Variants in SS18 observed in about 807,000 individuals in gnomAD.
The protein encoded by SS18 is protein SSXT.
Under a neutral mutation model 72.5 loss-of-function variants are expected in SS18, and 28 were observed. That is an observed-to-expected ratio of 0.39 (90% CI 0.29 to 0.53). The LOEUF (loss-of-function observed/expected upper bound fraction) is 0.53, where lower values mean the gene tolerates loss of function less well. Among genes scored for constraint, SS18 ranks in the 20% least tolerant of loss-of-function variants. The pLI is 0.76. For missense variants in SS18, 518 were observed against 535.3 expected, an observed-to-expected ratio of 0.97 and a Z score of 0.32; for synonymous variants, 172 against 164.2, an observed-to-expected ratio of 1.05 and a Z score of -0.37.
At chr18:26,042,744 T>C (rs2053752521) in intron 5 of SS18, among the ~76,000 whole-genome samples, 1 of 151,984 alleles carries the variant, frequency 6.6e-6, no homozygotes, top group African/African-American at 2.4e-5. Context: ...AATATAGAGA[T>C]GTGATGAGCA....
intron 1 of SS18, 47 bp from the exon 2 acceptor site, chr18:26,087,624 TA>T (rs780916511): frequency 2.0e-5 from 23 of 1,139,236 alleles, no homozygotes; most frequent in Non-Finnish European, 2.8e-5. Flanking sequence ...GTGCATCAAG[TA>T]AAATAAAAAA....
At position 26,039,331 on chromosome 18, in the gene SS18, T is replaced by A; in HGVS notation, c.733A>T (p.Met245Leu). The change falls in exon 6 of 11, where the codon ATG (methionine) becomes TTG (leucine). Residue 245 changes from methionine (M) to leucine (L), a missense_variant. Coordinates refer to ENST00000415083, the MANE Select transcript of SS18 (RefSeq NM_001007559.3). ...MGQVNQGNHM[M>L]GQRQIPPYRP... ...TAGGGAGGAATCTGTCTCTGACCCA[T>A]CATATGATTGCCTTGGTTAACTTGA... is the stretch of plus-strand genomic sequence containing the variant. 1 of 1,613,926 alleles carries A rather than the reference T, an allele frequency of 6.2e-7. No homozygotes were observed. Among genetic ancestry groups the A allele is most frequent in the Non-Finnish European group, 8.5e-7 (1 of 1,179,878 alleles).
intron 2 of SS18, among the ~76,000 whole-genome samples, chr18:26,085,672 T>A (rs12962664): frequency 0.025 from 3,869 of 152,282 alleles, 67 homozygotes; most frequent in Non-Finnish European, 0.039. Context: ...GTTACCCCTA[T>A]GGAGGGGAAG....
At chr18:26,037,979 T>C (rs1247454184) in intron 7 of SS18, among the ~76,000 whole-genome samples, 7 of 152,138 alleles carry the variant, frequency 4.6e-5, no homozygotes. Flanking sequence ...CTAAAAATCT[T>C]ATTTCCAAAT....
chr18:26,032,281 A>C (rs2053556734), intron 10 of SS18, 118 bp downstream of exon 10: 1 of 1,202,352 alleles, frequency 8.3e-7, no homozygotes, highest in African/African-American at 1.5e-5. Flanking sequence ...AATGTACCAT[A>C]AACATTCCCT....
At chr18:26,066,474 T>A (rs1309386791) in intron 3 of SS18, among the ~76,000 whole-genome samples, 1 of 152,172 alleles carries the variant, frequency 6.6e-6, no homozygotes, top group Non-Finnish European at 1.5e-5. Flanking sequence ...TGACGGTAAT[T>A]CCATCTTTCC....
At position 26,035,374 on chromosome 18, in the gene SS18, T is replaced by G. The variant is rs2053609884; in HGVS notation, c.974-247A>C. 6.8e-6 allele frequency: 3 copies of G among 440,740 alleles called. No homozygotes were observed. In the South Asian group the frequency reaches 7.4e-5, roughly 11 times the overall value. 27.3% of individuals were successfully genotyped at this position (440,740 alleles called of 1,614,324 possible). ...GCGTCTCTGCCATACGAGCATTACA[T>G]TTACTGGAACATCACAGTCATAAGA... On this transcript the variant is annotated intron_variant, in intron 8 of 10. Coordinates refer to ENST00000415083, the MANE Select transcript of SS18 (RefSeq NM_001007559.3). This position sits in a 1 kb window ranked among gnomAD's most constrained non-coding sequence, Gnocchi z 4.4.
At chr18:26,081,142 ATGTT>A (rs1191450645) in intron 2 of SS18, 2 of 150,700 alleles carry the variant, frequency 1.3e-5, no homozygotes, top group Non-Finnish European at 3.0e-5. Flanking sequence ...TAACTTCAGT[ATGTT>A]TATTTTCTGT....
chr18:26,050,904 G>A (rs757748823), intron 5 of SS18, among the ~76,000 whole-genome samples: 47 of 144,156 alleles, frequency 3.3e-4, no homozygotes, highest in Middle Eastern at 3.6e-3. Flanking sequence ...GCCAGACGCC[G>A]TCTCAAAATA....
chr18:26,041,865 T>C (rs2053733794), intron 5 of SS18, among the ~76,000 whole-genome samples: 1 of 152,206 alleles, frequency 6.6e-6, no homozygotes, highest in Non-Finnish European at 1.5e-5. Context: ...CTTTATCTTT[T>C]GGGACTGTGA....
intron 1 of SS18, among the ~76,000 whole-genome samples, chr18:26,088,937 G>A (rs1415240862): frequency 1.3e-5 from 2 of 151,378 alleles, no homozygotes; most frequent in African/African-American, 2.4e-5. Context: ...TTCTTAAATA[G>A]AACCATTGGA....
intron 3 of SS18, among the ~76,000 whole-genome samples, chr18:26,058,492 C>A (rs1212051818): frequency 6.6e-6 from 1 of 152,206 alleles, no homozygotes; most frequent in Non-Finnish European, 1.5e-5. Context: ...CATTTTTAAT[C>A]TTGTAGGAGG....
intron 10 of SS18, 149 bp from the exon 11 acceptor site, chr18:26,018,529 C>T (rs1598516328): frequency 2.0e-6 from 1 of 508,242 alleles, no homozygotes; most frequent in Non-Finnish European, 3.4e-6. Context: ...GTTAGGTATA[C>T]AGTATCACCC....
intron 2 of SS18, among the ~76,000 whole-genome samples, chr18:26,083,000 C>G (rs2054553522): frequency 1.3e-5 from 2 of 152,264 alleles, no homozygotes; most frequent in South Asian, 2.1e-4. Flanking sequence ...TTTCCTTTTG[C>G]TTCTCCTACA....
intron 3 of SS18, among the ~76,000 whole-genome samples, chr18:26,065,478 A>T (rs2054195683): frequency 6.6e-6 from 1 of 152,092 alleles, no homozygotes; most frequent in South Asian, 2.1e-4. Context: ...TAACTATCAC[A>T]TGGCGAAAAG....
chr18:26,089,315 G>A (rs2054672583), intron 1 of SS18, among the ~76,000 whole-genome samples: 3 of 152,344 alleles, frequency 2.0e-5, no homozygotes, highest in East Asian at 3.9e-4. Context: ...ACTTGGAGCT[G>A]TTTGCCAGGC....
chr18:26,077,292 C>T (rs961207076), intron 3 of SS18, among the ~76,000 whole-genome samples: 2 of 152,008 alleles, frequency 1.3e-5, no homozygotes, highest in East Asian at 3.8e-4. Flanking sequence ...CAACAAAATA[C>T]TCTTACCAAA....
Position 26,090,606 on chromosome 18 carries a change from C to T in SS18, c.-37G>A, listed in dbSNP as rs2054709438. ...CACCACTATCGGCAAGTCCCGAGCG[C>T]TCCGGGTGAACGGCAAACTGGGGGA... On this transcript the variant is annotated 5_prime_UTR_variant, in exon 1 of 11. Transcript: ENST00000415083. 6.4e-7 allele frequency: 1 copy of T among 1,552,630 alleles called. No homozygotes were observed. Among genetic ancestry groups the T allele is most frequent in the African/African-American group, 1.4e-5 (1 of 73,144 alleles).
chr18:26,024,613 A>AG (rs1223217025), intron 10 of SS18, among the ~76,000 whole-genome samples: 2 of 152,164 alleles, frequency 1.3e-5, no homozygotes, highest in Admixed American at 1.3e-4. Context: ...CACCACCCCC[A>AG]GTCTACCTTT....
Sources: gnomAD v4.1 joint callset for allele counts (sites outside exome capture counted in the v4.1 genomes callset) on GRCh38, gnomAD v4.1.1 for gene constraint, Gnocchi (gnomAD v3.1) non-coding constraint, MANE v1.5 for transcripts, NCBI Gene and HGNC (gene_info 2026-07-23, HGNC 2026-07-21) for gene names.